Variants in PCDHA6 observed in about 807,000 individuals in gnomAD.
PCDHA6 encodes the protein protocadherin alpha-6.
In PCDHA6, 55 loss-of-function variants were observed where a neutral mutation model predicts 60.3. That is an observed-to-expected ratio of 0.91 (90% CI 0.73 to 1.14). PCDHA6 has a LOEUF of 1.14. Among genes scored for constraint, PCDHA6 ranks in the 50% most tolerant of loss-of-function variants. PCDHA6 has a pLI of 0.00. For synonymous variants in PCDHA6, 652 were observed against 557.9 expected, an observed-to-expected ratio of 1.17 and a Z score of -2.38; for missense variants, 1,327 against 1,256.5, an observed-to-expected ratio of 1.06 and a Z score of -0.85.
Position 140,959,365 on chromosome 5 carries a change from C to A in PCDHA6, c.2395-19584C>A, listed in dbSNP as rs77362755. On this transcript the variant is annotated intron_variant, in intron 1 of 3. Transcript: ENST00000529310. ...ACTCCAGCGGGACAACTGAGTGAGA[C>A]CCTGTCTCAAAAAAAAAAGTCACAA... Among the ~76,000 whole-genome samples the A allele has an allele frequency of 1.0e-3, 158 of 151,880 alleles. 5 individuals carry two copies. In the East Asian group the frequency reaches 0.028, roughly 27 times the overall value.
intron 1 of PCDHA6, chr5:140,836,942 A>C: frequency 2.2e-6 from 1 of 454,226 alleles, no homozygotes; most frequent in Non-Finnish European, 3.8e-6. Flanking sequence ...CTATAGATCA[A>C]AATCTATGGT....
At chr5:140,854,832 T>C (rs1167287485) in intron 1 of PCDHA6, among the ~76,000 whole-genome samples, 8 of 149,892 alleles carry the variant, frequency 5.3e-5, no homozygotes, top group African/African-American at 2.0e-4. Context: ...ATGAAAAACT[T>C]CACTGACATT....
rs2150162138 is a variant in PCDHA6 at position 140,829,049 on chromosome 5, A to G, written c.958A>G (p.Ile320Val). The G allele has an allele frequency of 6.2e-7, 1 of 1,613,120 alleles. No homozygotes were observed. The highest frequency in any genetic ancestry group is 1.1e-5 in the South Asian group (1 of 91,054). Residue 320 changes from isoleucine (I) to valine (V), a missense_variant, in exon 1 of 4, where the codon ATT becomes GTT. Transcript: ENST00000529310. Reference sequence around the variant, plus strand: ...ACAAGAAAACTTATACAAAATCCTCATTGACGCCACGGACAAAGGCCATCC... The same window carrying G: ...ACAAGAAAACTTATACAAAATCCTCGTTGACGCCACGGACAAAGGCCATCC... ...FEQENLYKIL[I>V]DATDKGHPPM...
chr5:140,863,308 G>T (rs782229195), intron 1 of PCDHA6: 3 of 1,462,294 alleles, frequency 2.1e-6, no homozygotes, highest in Non-Finnish European at 1.9e-6. Context: ...CGCCATCTGC[G>T]TGGTGTCCAG....
chr5:140,882,930 A>C, intron 1 of PCDHA6: 8 of 1,614,214 alleles, frequency 5.0e-6, no homozygotes, highest in Non-Finnish European at 6.8e-6. Context: ...GGTAAACCCG[A>C]GCTGACTGGC....
At chr5:140,981,533 C>A (rs1045779820) in intron 2 of PCDHA6, among the ~76,000 whole-genome samples, 9 of 152,154 alleles carry the variant, frequency 5.9e-5, no homozygotes, top group African/African-American at 2.2e-4. Context: ...GAGATCGTGC[C>A]ACTGTACTCC....
intron 1 of PCDHA6, chr5:140,968,073 A>G: frequency 6.2e-7 from 1 of 1,614,142 alleles, no homozygotes; most frequent in African/African-American, 1.3e-5. Flanking sequence ...GCTGTCTACA[A>G]CATCACGGTG....
intron 1 of PCDHA6, chr5:140,927,716 G>A (rs782756674): frequency 2.5e-6 from 4 of 1,614,072 alleles, no homozygotes; most frequent in Non-Finnish European, 3.4e-6. Context: ...CTAAGCAACA[G>A]CACGCAAGCA....
chr5:140,914,944 CTT>C (rs35695909), intron 1 of PCDHA6, among the ~76,000 whole-genome samples: 2,964 of 128,208 alleles, frequency 0.023, 99 homozygotes, highest in African/African-American at 0.077. Flanking sequence ...GAAAAGTTGT[CTT>C]TTTTTTTTTT....
Position 140,851,473 on chromosome 5 carries a change from G to T in PCDHA6, c.2394+20988G>T. The stretch of plus-strand genomic sequence containing the variant: ...TAGGAATCAAATTATGTCAATAAAT[G>T]TTATAAACACAGCCTTCATTTCAAC... On this transcript the variant is annotated intron_variant, in intron 1 of 3. Coordinates refer to ENST00000529310, the MANE Select transcript of PCDHA6 (RefSeq NM_018909.4). 6.7e-6 allele frequency: 6 copies of T among 889,518 alleles called. 1 individual carries two copies. The highest frequency in any genetic ancestry group is 8.2e-6 in the Non-Finnish European group (6 of 729,154). 55.1% of individuals were successfully genotyped at this position (889,518 alleles called of 1,614,324 possible).
At chr5:140,855,892 G>T (rs1227119052) in intron 1 of PCDHA6, 2 of 1,011,396 alleles carry the variant, frequency 2.0e-6, no homozygotes, top group Non-Finnish European at 1.4e-6. Flanking sequence ...TAGAACAAAG[G>T]CATCAGCCAG....
At chr5:140,884,341 G>C in intron 1 of PCDHA6, 2 of 1,613,910 alleles carry the variant, frequency 1.2e-6, no homozygotes, top group Non-Finnish European at 1.7e-6. Context: ...GTCCAGAAGC[G>C]GCGCTGGTGG....
At chr5:140,974,879 A>G (rs1259634156) in intron 1 of PCDHA6, among the ~76,000 whole-genome samples, 1 of 152,212 alleles carries the variant, frequency 6.6e-6, no homozygotes, top group Non-Finnish European at 1.5e-5. Flanking sequence ...CAGTCTATGT[A>G]TCCCTTTTCT....
At chr5:140,948,903 CTTAGGTAACTGA>C (rs1213410342) in intron 1 of PCDHA6, among the ~76,000 whole-genome samples, 1 of 151,196 alleles carries the variant, frequency 6.6e-6, no homozygotes, top group Non-Finnish European at 1.5e-5. Context: ...TAAGTGGATT[CTTAGGTAACTGA>C]TTAGGTAACT....
intron 1 of PCDHA6, chr5:140,836,291 C>T: frequency 6.2e-7 from 1 of 1,613,720 alleles, no homozygotes; most frequent in Non-Finnish European, 8.5e-7. Context: ...CGACACGAGC[C>T]CTAGATGAGA....
chr5:140,975,380 G>A (rs1554236775), intron 1 of PCDHA6, among the ~76,000 whole-genome samples: 2 of 152,220 alleles, frequency 1.3e-5, no homozygotes, highest in African/African-American at 4.8e-5. Flanking sequence ...GTAATCATGG[G>A]AATAAGATCC....
chr5:140,830,488 A>C lies in PCDHA6; in HGVS notation c.2394+3A>C. 1 of 1,494,964 alleles carries C rather than the reference A, an allele frequency of 6.7e-7. No homozygotes were observed. The highest frequency in any genetic ancestry group is 1.8e-4 in the Middle Eastern group (1 of 5,616). The allele number at this position is 1,494,964 out of a possible 1,614,324, so 92.6% of individuals were successfully genotyped here. The stretch of plus-strand genomic sequence containing the variant: ...TAAATGAAGATCATGATGCCAAAGT[A>C]AGTGAATTTTCATAATTAACAGTTA... On this transcript the variant is annotated splice_donor_region_variant and intron_variant, in intron 1 of 3. Transcript: ENST00000529310.
rs781833961 is a variant in PCDHA6 at position 140,836,399 on chromosome 5, C to A, written c.2394+5914C>A. 2 of 1,613,764 alleles carry A rather than the reference C, an allele frequency of 1.2e-6. No homozygotes were observed. The highest frequency in any genetic ancestry group is 8.5e-7 in the Non-Finnish European group (1 of 1,179,846). On this transcript the variant is annotated intron_variant, in intron 1 of 3. Coordinates refer to ENST00000529310, the MANE Select transcript of PCDHA6 (RefSeq NM_018909.4). ...CCGTGCTGGTGTCGCTGGTGGAAAG[C>A]GGCCAGGCACCAAAGGCGTCGTCGC...
At chr5:140,950,706 G>A (rs72802969) in intron 1 of PCDHA6, among the ~76,000 whole-genome samples, 841 of 152,058 alleles carry the variant, frequency 5.5e-3, no homozygotes, top group Middle Eastern at 0.017. Flanking sequence ...ACAAATTTTT[G>A]TTCCTTATAT....
Sources: gnomAD v4.1 joint callset for allele counts (sites outside exome capture counted in the v4.1 genomes callset) on GRCh38, gnomAD v4.1.1 for gene constraint, MANE v1.5 for transcripts, NCBI Gene and HGNC (gene_info 2026-07-23, HGNC 2026-07-21) for gene names.